The following MMP8 variants were observed in gnomAD, a reference collection of about 807,000 sequenced individuals.
MMP8 encodes the protein neutrophil collagenase.
A neutral mutation model predicts 51.2 loss-of-function variants in MMP8; 67 were observed. That is an observed-to-expected ratio of 1.31 (90% confidence interval 1.08 to 1.60). The LOEUF is 1.60. Among genes scored for constraint, MMP8 ranks in the 40% most tolerant of loss-of-function variants. The probability of loss-of-function intolerance (pLI) is 0.00; values close to 1 mark genes in which losing one functional copy is unlikely to be tolerated. For missense variants in MMP8, 654 were observed against 558.1 expected (o/e 1.17, Z -1.73); for synonymous variants, 225 against 191.0 (o/e 1.18, Z -1.47).
rs757226760 is a variant in MMP8, at chr11:102,713,774, T to C, written c.1274A>G (p.Asp425Gly). Residue 425 changes from aspartate to glycine, a missense_variant, in exon 9 of 10, where the codon GAT (aspartate) becomes GGT (glycine). Asp to Gly is a moderately conservative substitution (Grantham distance 94, BLOSUM62 -1). Transcript: ENST00000236826. ...CTTACGTTCTTGCTGGAAAACTGCA[T>C]CAACTTTACTCTCTATTCCTGGAAA... ...GAFPGIESKVDAVFQQEHFFH... is the reference protein window; with the variant it reads ...GAFPGIESKVGAVFQQEHFFH... 1.2e-6 allele frequency: 2 copies of C among 1,607,084 alleles called. No homozygotes were observed. The highest frequency in any genetic ancestry group is 1.7e-6 in the Non-Finnish European group (2 of 1,177,670).
In MMP8 at chr11:102,712,306, G is replaced by GT. The variant is rs1406578719; in HGVS notation, c.*1041dup. 6.6e-6 allele frequency: 1 copy of GT among 152,412 alleles called. No homozygotes were observed. The highest frequency in any genetic ancestry group is 1.5e-5 in the Non-Finnish European group (1 of 68,238). The allele number at this position is 152,412 out of a possible 1,614,324, so 9.4% of individuals were successfully genotyped here. A position where few individuals can be genotyped will look rare whatever the true frequency, so the allele number is the denominator to read the frequency against. Reference sequence around the variant, plus strand: ...AAGTGGTGGTTCTCTTTTGGCTGCTGTCCTGGGAAGATGCCCAGTAGTCCT... The same window carrying GT: ...AAGTGGTGGTTCTCTTTTGGCTGCTGTTCCTGGGAAGATGCCCAGTAGTCCT... On this transcript the variant is annotated 3_prime_UTR_variant, in exon 10 of 10. Transcript: ENST00000236826.
chr11:102,717,378 A>G (rs535852246), intron 5 of MMP8, among the ~76,000 whole-genome samples: 6 of 152,298 alleles, frequency 3.9e-5, no homozygotes, highest in African/African-American at 1.4e-4. Context: ...TTTTCTCTCC[A>G]TACTCCACTA....
chr11:102,715,476 A>G (rs768015002), intron 6 of MMP8, 39 bp from the exon 7 acceptor site: 4 of 1,586,030 alleles, frequency 2.5e-6, no homozygotes, highest in Admixed American at 3.6e-5. Flanking sequence ...ACACTTATAC[A>G]TAACAGTCTA....
At position 102,722,539 on chromosome 11, in the gene MMP8, A is replaced by G. The variant is rs756071636; in HGVS notation, c.237T>C (p.Asn79=). The G allele has an allele frequency of 2.5e-6, 4 of 1,613,944 alleles. No individual in the cohort carries two copies. In the South Asian group the frequency reaches 4.4e-5, roughly 18 times the overall value. Residue 79 remains asparagine (N), a synonymous_variant, in exon 2 of 10, where the codon AAT becomes AAC. Coordinates refer to ENST00000236826, the MANE Select transcript of MMP8 (RefSeq NM_002424.3). Reference sequence around the variant, plus strand: ...TTTTCATCATGTCCAGAGTTTCCTCATTTGGCTTCCCCGTCACATTCAACC... The same window carrying G: ...TTTTCATCATGTCCAGAGTTTCCTCGTTTGGCTTCCCCGTCACATTCAACC... ...FFGLNVTGKP[N]EETLDMMKKP...
chr11:102,724,875 AC>A lies in MMP8; in HGVS notation c.-21del. The A allele has an allele frequency of 6.3e-7, 1 of 1,599,100 alleles. No homozygotes were observed. Among genetic ancestry groups the A allele is most frequent in the Non-Finnish European group, 8.5e-7 (1 of 1,171,490 alleles). ...GAACATGATCTTCTCTTCAAACTCTACCCCTCCTGGCTTTCTTTCTGTCCCT... is the reference window on the plus strand; with the variant it reads ...GAACATGATCTTCTCTTCAAACTCTACCCTCCTGGCTTTCTTTCTGTCCCT... On this transcript the variant is annotated 5_prime_UTR_variant, in exon 1 of 10. Transcript: ENST00000236826.
At position 102,715,422 on chromosome 11, in the gene MMP8, C is replaced by T. The variant is rs147143187; in HGVS notation, c.918G>A (p.Arg306=). The change falls in exon 7 of 10, where the codon AGG becomes AGA. Residue 306 remains arginine, a synonymous_variant. Transcript: ENST00000236826. ...LFFKDRYFWR[R]HPQLQRVEMN... is the part of the protein sequence containing the mutation. ...TTTCGACTCTTTGTAGCTGAGGATG[C>T]CTTCTCCAGAAGTACCTAACGGAAC... The T allele has an allele frequency of 2.1e-5, 34 of 1,612,866 alleles. No individual in the cohort carries two copies. Among genetic ancestry groups the T allele is most frequent in the Non-Finnish European group, 2.6e-5 (31 of 1,179,476 alleles).
rs1293066410 is a variant in MMP8 at position 102,718,485 on chromosome 11, T to C, written c.713A>G (p.Asn238Ser). The C allele has an allele frequency of 1.9e-6, 3 of 1,613,826 alleles. No individual in the cohort carries two copies. The highest frequency in any genetic ancestry group is 2.5e-6 in the Non-Finnish European group (3 of 1,179,874). The change falls in exon 5 of 10, where the codon AAC becomes AGC. Residue 238 changes from asparagine (N) to serine (S), a missense_variant. Transcript: ENST00000236826. ...GTTGCTGGTTTCCCTGAAAGCATAG[T>C]TGGGATACATCAAGGCACCAGGGTC... Reference protein sequence around the residue: ...SSDPGALMYPNYAFRETSNYS... With the variant: ...SSDPGALMYPSYAFRETSNYS...
chr11:102,716,422 GGAAA>G lies in MMP8; in HGVS notation c.785-7_785-4del. 4.8e-5 allele frequency: 24 copies of G among 495,784 alleles called. No homozygotes were observed. Among genetic ancestry groups the G allele is most frequent in the South Asian group, 2.9e-4 (7 of 24,132 alleles). The allele number at this position is 495,784 out of a possible 1,614,324, so 30.7% of individuals were successfully genotyped here. ...TTGGATAGGGTTGCTTGAAAGTCCT[GGAAA>G]AAAAAAAAAAAAAAAAAAAAAGGTC... On this transcript the variant is annotated splice_region_variant and splice_polypyrimidine_tract_variant and intron_variant, in intron 5 of 9. Coordinates refer to ENST00000236826, the MANE Select transcript of MMP8 (RefSeq NM_002424.3).
At chr11:102,717,672 T>TGCAG (rs541555075) in intron 5 of MMP8, among the ~76,000 whole-genome samples, 161 of 152,298 alleles carry the variant, frequency 1.1e-3, no homozygotes, top group African/African-American at 3.7e-3. Context: ...CCAACTTCCA[T>TGCAG]TACCACAAAC....
At chr11:102,722,726 C>A in intron 1 of MMP8, 53 bp from the exon 2 acceptor site, 1 of 1,596,728 alleles carries the variant, frequency 6.3e-7, no homozygotes, top group Admixed American at 1.7e-5. Flanking sequence ...CTCCAGTTCT[C>A]TGGTCATTTT....
At chr11:102,719,140 A>G (rs1861395920) in intron 4 of MMP8, among the ~76,000 whole-genome samples, 1 of 152,162 alleles carries the variant, frequency 6.6e-6, no homozygotes, top group Non-Finnish European at 1.5e-5. Context: ...GACAAATCCT[A>G]CCCTTATTGC....
Position 102,724,861 on chromosome 11 carries a change from TC to T in MMP8, c.-7del. 1 of 1,607,004 alleles carries T rather than the reference TC, an allele frequency of 6.2e-7. No homozygotes were observed. Among genetic ancestry groups the T allele is most frequent in the Non-Finnish European group, 8.5e-7 (1 of 1,175,938 alleles). On this transcript the variant is annotated 5_prime_UTR_variant, in exon 1 of 10. Coordinates refer to ENST00000236826, the MANE Select transcript of MMP8 (RefSeq NM_002424.3). ...AGCGTCTTCAGGGAGAACATGATCTTCTCTTCAAACTCTACCCCTCCTGGCT... is the reference window on the plus strand; with the variant it reads ...AGCGTCTTCAGGGAGAACATGATCTTTCTTCAAACTCTACCCCTCCTGGCT...
intron 4 of MMP8, among the ~76,000 whole-genome samples, chr11:102,720,945 T>C (rs182967395): frequency 6.6e-6 from 1 of 152,338 alleles, no homozygotes; most frequent in Non-Finnish European, 1.5e-5. Flanking sequence ...TTTGGGAATA[T>C]TAAAATAAAG....
chr11:102,722,751 G>T (rs1449072886), intron 1 of MMP8, 78 bp from the exon 2 acceptor site: 2 of 1,560,874 alleles, frequency 1.3e-6, no homozygotes, highest in African/African-American at 2.7e-5. Context: ...CCCTTTCTAA[G>T]TTACTACAGA....
At chr11:102,723,065 A>G (rs1000421644) in intron 1 of MMP8, 1 of 1,289,184 alleles carries the variant, frequency 7.8e-7, no homozygotes, top group African/African-American at 1.5e-5. Context: ...TACTGTAGAA[A>G]AGGCTTATTT....
At chr11:102,713,700 C>T (rs560321961) in intron 9 of MMP8, 54 bp downstream of exon 9, 77 of 1,445,760 alleles carry the variant, frequency 5.3e-5, no homozygotes, top group Non-Finnish European at 6.6e-5. Context: ...ACCCTGTCTC[C>T]TCTATAATAA....
rs1266265613 is a variant in MMP8, at chr11:102,713,840, T to A, written c.1208A>T (p.Gln403Leu). The change falls in exon 9 of 10, where the codon CAA (glutamine) becomes CTA (leucine). Residue 403 changes from glutamine to leucine, a missense_variant. Physicochemically the swap from Gln to Leu is moderately radical, Grantham distance 113. Coordinates refer to ENST00000236826, the MANE Select transcript of MMP8 (RefSeq NM_002424.3). Reference sequence around the variant, plus strand: ...TTTGGGATAACCTGGCTCCATGAATTGTCTTTGGTTATCATATCTGGTAAA... The same window carrying A: ...TTTGGGATAACCTGGCTCCATGAATAGTCTTTGGTTATCATATCTGGTAAA... Reference protein sequence around the residue: ...DQFWRYDNQRQFMEPGYPKSI... With the variant: ...DQFWRYDNQRLFMEPGYPKSI... 6.2e-6 allele frequency: 10 copies of A among 1,610,732 alleles called. No homozygotes were observed. The highest frequency in any genetic ancestry group is 2.2e-5 in the East Asian group (1 of 44,758).
In MMP8 at chr11:102,718,586, AAC is replaced by A. The variant is rs772749161; in HGVS notation, c.623-13_623-12del. The A allele has an allele frequency of 3.1e-6, 5 of 1,613,618 alleles. No homozygotes were observed. In the African/African-American group the frequency reaches 5.3e-5, roughly 17 times the overall value. On this transcript the variant is annotated splice_polypyrimidine_tract_variant and intron_variant, in intron 4 of 9. Transcript: ENST00000236826. ...GAAACAAGTTGTAATCTGAAATGCAAACACGGGTGGTAAACAGCTCAGTGTGG... is the reference window on the plus strand; with the variant it reads ...GAAACAAGTTGTAATCTGAAATGCAAACGGGTGGTAAACAGCTCAGTGTGG...
Position 102,713,877 on chromosome 11 carries a change from A to G in MMP8, c.1191-20T>C. 1 of 1,574,602 alleles carries G rather than the reference A, an allele frequency of 6.4e-7. No homozygotes were observed. The highest frequency in any genetic ancestry group is 8.6e-7 in the Non-Finnish European group (1 of 1,157,100). On this transcript the variant is annotated intron_variant, in intron 8 of 9. Coordinates refer to ENST00000236826, the MANE Select transcript of MMP8 (RefSeq NM_002424.3). ...TCATATCTGGTAAAAACAAAATGTT[A>G]TCCGATTTAACACCAATACAGAATA...
Sources: allele counts gnomAD v4.1 joint callset (sites outside exome capture counted in the v4.1 genomes callset), GRCh38; gene constraint gnomAD v4.1.1; transcripts MANE v1.5; gene names NCBI Gene and HGNC (gene_info 2026-07-23, HGNC 2026-07-21).